ACBD6: variants seen among roughly 807,000 people sequenced by gnomAD.
ACBD6 encodes the protein acyl-CoA binding domain containing 6.
Under a neutral mutation model 37.2 loss-of-function variants are expected in ACBD6, and 28 were observed. The ratio of observed to expected loss-of-function variants is 0.75; its 90% confidence interval spans 0.56 to 1.03. ACBD6 has a LOEUF of 1.03. Ranked by LOEUF, ACBD6 falls within the 50% of genes least tolerant of loss-of-function variation. ACBD6 has a pLI of 0.00. For synonymous variants in ACBD6, 113 were observed against 126.8 expected (o/e 0.89, Z 0.73); for missense variants, 340 against 337.4 (o/e 1.01, Z -0.06).
chr1:180,369,269 C>T (rs78368507), intron 6 of ACBD6, among the ~76,000 whole-genome samples: 19,384 of 152,150 alleles, frequency 0.13, 1,648 homozygotes, highest in South Asian at 0.23. Context: ...GTTTACATGT[C>T]CAAATGCAAC....
chr1:180,347,382 T>TC (rs1558260161), intron 6 of ACBD6, among the ~76,000 whole-genome samples: 6 of 147,300 alleles, frequency 4.1e-5, no homozygotes, highest in Non-Finnish European at 7.4e-5. Flanking sequence ...TTTTTTTTTT[T>TC]GAGACAGAGT....
At chr1:180,422,529 A>T (rs911831535) in intron 4 of ACBD6, among the ~76,000 whole-genome samples, 1 of 152,092 alleles carries the variant, frequency 6.6e-6, no homozygotes, top group Non-Finnish European at 1.5e-5. Context: ...TTTTTTACAG[A>T]AGTCCGTAAT....
intron 6 of ACBD6, among the ~76,000 whole-genome samples, chr1:180,334,116 A>G (rs1651599762): frequency 6.6e-6 from 1 of 152,380 alleles, no homozygotes; most frequent in South Asian, 2.1e-4. Context: ...AAAAGGCAGC[A>G]GAAACCTCTG....
chr1:180,412,956 C>T (rs1040602026), intron 5 of ACBD6, among the ~76,000 whole-genome samples: 2 of 152,008 alleles, frequency 1.3e-5, no homozygotes, highest in African/African-American at 4.8e-5. Context: ...TATTGATTTA[C>T]CAAAATTCTG....
chr1:180,312,199 T>C (rs1195425678), intron 7 of ACBD6, among the ~76,000 whole-genome samples: 1 of 152,232 alleles, frequency 6.6e-6, no homozygotes, highest in African/African-American at 2.4e-5. Flanking sequence ...CGAGTCTTCC[T>C]ATTCATTAAC....
At chr1:180,356,468 G>A (rs1053266028) in intron 6 of ACBD6, among the ~76,000 whole-genome samples, 6 of 151,904 alleles carry the variant, frequency 3.9e-5, no homozygotes, top group East Asian at 1.9e-4. Flanking sequence ...CACTGCACCC[G>A]GCCTATTGTT....
intron 6 of ACBD6, among the ~76,000 whole-genome samples, chr1:180,319,053 T>C (rs1650949646): frequency 6.6e-6 from 1 of 152,146 alleles, no homozygotes; most frequent in Non-Finnish European, 1.5e-5. Context: ...TAGTCTGGAA[T>C]CCTGCAGGAA....
At chr1:180,484,836 C>T (rs1174357588) in intron 3 of ACBD6, among the ~76,000 whole-genome samples, 5 of 151,794 alleles carry the variant, frequency 3.3e-5, no homozygotes, top group South Asian at 4.2e-4. Flanking sequence ...GAGGCTGAGG[C>T]GGGTGGATCA....
chr1:180,423,168 A>G (rs960035873), intron 4 of ACBD6, among the ~76,000 whole-genome samples: 6 of 152,238 alleles, frequency 3.9e-5, no homozygotes, highest in African/African-American at 1.4e-4. Flanking sequence ...TAGGCTACAT[A>G]GTTCATCTGC....
At chr1:180,472,987 A>C (rs1650626215) in intron 3 of ACBD6, among the ~76,000 whole-genome samples, 1 of 152,226 alleles carries the variant, frequency 6.6e-6, no homozygotes, top group African/African-American at 2.4e-5. Context: ...ACTGAACAAA[A>C]GCATAGAATA....
At chr1:180,365,099 T>C (rs1043730228) in intron 6 of ACBD6, among the ~76,000 whole-genome samples, 4 of 152,126 alleles carry the variant, frequency 2.6e-5, no homozygotes, top group South Asian at 2.1e-4. Context: ...AGAATAGAAA[T>C]TGGAATTCAG....
At chr1:180,448,943 T>C (rs1466136438) in intron 3 of ACBD6, among the ~76,000 whole-genome samples, 1 of 152,198 alleles carries the variant, frequency 6.6e-6, no homozygotes, top group Non-Finnish European at 1.5e-5. Flanking sequence ...ATCCTAGTTA[T>C]TCTGTTAAGG....
chr1:180,358,494 T>C (rs898531068), intron 6 of ACBD6, among the ~76,000 whole-genome samples: 2 of 150,962 alleles, frequency 1.3e-5, no homozygotes, highest in Non-Finnish European at 2.9e-5. Flanking sequence ...CTAAAATAAG[T>C]CATATTAACT....
At chr1:180,442,277 T>A (rs533068436) in intron 3 of ACBD6, among the ~76,000 whole-genome samples, 13 of 149,972 alleles carry the variant, frequency 8.7e-5, no homozygotes, top group Non-Finnish European at 1.6e-4. Flanking sequence ...TGGCAGTGAC[T>A]CTCAACTAGG....
intron 3 of ACBD6, 62 bp from the exon 4 acceptor site, chr1:180,430,324 A>G (rs1026323583): frequency 3.0e-6 from 4 of 1,324,996 alleles, no homozygotes; most frequent in Non-Finnish European, 4.3e-6. Flanking sequence ...AGGTATTTAA[A>G]TCAGTTACAA....
chr1:180,497,788 T>C (rs997367059), intron 1 of ACBD6, among the ~76,000 whole-genome samples: 1 of 152,216 alleles, frequency 6.6e-6, no homozygotes, highest in African/African-American at 2.4e-5. Flanking sequence ...TCTACTGCAA[T>C]ATGTTGTTTT....
At chr1:180,413,580 C>A in intron 4 of ACBD6, 109 bp from the exon 5 acceptor site, 1 of 841,464 alleles carries the variant, frequency 1.2e-6, no homozygotes, top group Admixed American at 2.4e-5. Context: ...ACTCTGCTTA[C>A]AAAAAAATTT....
chr1:180,454,295 A>G (rs1050315273), intron 3 of ACBD6, among the ~76,000 whole-genome samples: 2 of 152,212 alleles, frequency 1.3e-5, no homozygotes, highest in Non-Finnish European at 2.9e-5. Context: ...TATTTAATAA[A>G]TGGTATTGGG....
chr1:180,397,299 A>G (rs1022627279), intron 6 of ACBD6, among the ~76,000 whole-genome samples: 2 of 152,228 alleles, frequency 1.3e-5, no homozygotes, highest in Middle Eastern at 3.2e-3. Flanking sequence ...GGAGAAATAA[A>G]AAAAATGTTA....
Sources: gnomAD v4.1 joint callset for allele counts (sites outside exome capture counted in the v4.1 genomes callset) on GRCh38, gnomAD v4.1.1 for gene constraint, MANE v1.5 for transcripts, NCBI Gene and HGNC (gene_info 2026-07-23, HGNC 2026-07-21) for gene names.